Variants in TAF3 observed in about 807,000 individuals in gnomAD.
TAF3 encodes the protein transcription initiation factor TFIID subunit 3.
A neutral mutation model predicts 80.6 loss-of-function variants in TAF3; 7 were observed. The observed-to-expected ratio is 0.09, with a 90% CI of 0.05 to 0.16. The LOEUF is 0.16. Among genes scored for constraint, TAF3 ranks in the 10% least tolerant of loss-of-function variants. The pLI, the probability that TAF3 is intolerant of heterozygous loss-of-function variation, is 1.00. For missense variants in TAF3, 921 were observed against 1,140.2 expected (o/e 0.81, Z 2.77); for synonymous variants, 444 against 446.1 (o/e 1.00, Z 0.06).
At chr10:7,856,544 A>G (rs749991379) in intron 2 of TAF3, among the ~76,000 whole-genome samples, 11 of 152,182 alleles carry the variant, frequency 7.2e-5, no homozygotes, top group Non-Finnish European at 1.2e-4. Flanking sequence ...GAACCAGTCC[A>G]GGAAGCCTAA....
chr10:7,835,857 A>G (rs1013988226), intron 2 of TAF3, among the ~76,000 whole-genome samples: 1 of 152,086 alleles, frequency 6.6e-6, no homozygotes, highest in African/African-American at 2.4e-5. Flanking sequence ...GTATTTTGGC[A>G]CTGATGGGTG....
chr10:7,836,591 A>T (rs1309851449), intron 2 of TAF3, among the ~76,000 whole-genome samples: 1 of 152,010 alleles, frequency 6.6e-6, no homozygotes, highest in African/African-American at 2.4e-5. Context: ...ACATTTTCTT[A>T]CCACGAATAC....
intron 2 of TAF3, among the ~76,000 whole-genome samples, chr10:7,884,944 T>G (rs1350312028): frequency 6.6e-6 from 1 of 152,158 alleles, no homozygotes. Flanking sequence ...AGAAAACAGT[T>G]TCAGAATTGC....
chr10:7,900,050 CTG>C (rs746963815), intron 2 of TAF3, among the ~76,000 whole-genome samples: 3 of 152,164 alleles, frequency 2.0e-5, no homozygotes, highest in Admixed American at 2.0e-4. Context: ...CATTACATGT[CTG>C]TTAAAATATA....
At chr10:7,871,998 T>G (rs1303666085) in intron 2 of TAF3, among the ~76,000 whole-genome samples, 1 of 152,208 alleles carries the variant, frequency 6.6e-6, no homozygotes, top group Non-Finnish European at 1.5e-5. Context: ...ATAAATTTAA[T>G]CGGGACGCTT....
At position 8,009,178 on chromosome 10, in the gene TAF3, A is replaced by G. The variant is rs1430715591; in HGVS notation, c.2416A>G (p.Met806Val). The change falls in exon 5 of 7, where the codon ATG becomes GTG. Residue 806 changes from methionine (M) to valine (V), a missense_variant. Coordinates refer to ENST00000344293, the MANE Select transcript of TAF3 (RefSeq NM_031923.4). This position sits in a 1 kb window ranked among gnomAD's most constrained non-coding sequence, Gnocchi z 4.1. ...PPAPAPAPGP[M>V]LVSPAPVPLP... Reference sequence around the variant, plus strand: ...GGCCCCCGCGCCCGCCCCCGGCCCCATGCTCGTCAGCCCTGCGCCCGTGCC... The same window carrying G: ...GGCCCCCGCGCCCGCCCCCGGCCCCGTGCTCGTCAGCCCTGCGCCCGTGCC... 3.7e-5 allele frequency: 56 copies of G among 1,521,338 alleles called. No individual in the cohort carries two copies. Among genetic ancestry groups the G allele is most frequent in the Non-Finnish European group, 4.9e-5 (56 of 1,132,844 alleles). The allele number at this position is 1,521,338 out of a possible 1,614,324, so 94.2% of individuals were successfully genotyped here. A position where few individuals can be genotyped will look rare whatever the true frequency, so the allele number is the denominator to read the frequency against.
chr10:7,926,860 C>A (rs1208148012), intron 2 of TAF3, among the ~76,000 whole-genome samples: 1 of 152,126 alleles, frequency 6.6e-6, no homozygotes, highest in African/African-American at 2.4e-5. Context: ...TTTATCGTAA[C>A]AACTTTTTGT....
chr10:7,914,639 T>C (rs1837691155), intron 2 of TAF3, among the ~76,000 whole-genome samples: 1 of 152,210 alleles, frequency 6.6e-6, no homozygotes, highest in East Asian at 1.9e-4. Context: ...ATTTGGACTT[T>C]TACTGTAAAT....
intron 2 of TAF3, among the ~76,000 whole-genome samples, chr10:7,935,723 G>C (rs1275615818): frequency 1.3e-5 from 2 of 152,192 alleles, no homozygotes; most frequent in Non-Finnish European, 2.9e-5. Flanking sequence ...ATCAGGGAGA[G>C]GCCCTACAGG....
intron 3 of TAF3, among the ~76,000 whole-genome samples, chr10:7,974,031 G>A (rs1831646234): frequency 6.6e-6 from 1 of 152,078 alleles, no homozygotes; most frequent in Non-Finnish European, 1.5e-5. Flanking sequence ...GGGAGGCTGA[G>A]GCAGGAGAAT....
At chr10:7,833,975 C>A in intron 2 of TAF3, 1 of 263,748 alleles carries the variant, frequency 3.8e-6, no homozygotes. Context: ...TGCTGTCCTC[C>A]GGCACAGGAC....
chr10:7,823,554 T>C (rs1338229612), intron 1 of TAF3, among the ~76,000 whole-genome samples: 1 of 151,880 alleles, frequency 6.6e-6, no homozygotes, highest in East Asian at 1.9e-4. Flanking sequence ...GAAGATCGCT[T>C]GAGCCTAGAA....
At chr10:7,860,378 T>A (rs1261548418) in intron 2 of TAF3, among the ~76,000 whole-genome samples, 1 of 152,114 alleles carries the variant, frequency 6.6e-6, no homozygotes, top group African/African-American at 2.4e-5. Flanking sequence ...GAGCATATGA[T>A]CTATGAGAGA....
chr10:7,997,369 G>A (rs764309845), intron 4 of TAF3, among the ~76,000 whole-genome samples: 6 of 152,234 alleles, frequency 3.9e-5, no homozygotes, highest in Non-Finnish European at 5.9e-5. Context: ...GCACACAATA[G>A]CTGAATAATG....
At chr10:7,867,882 C>T (rs1023966010) in intron 2 of TAF3, among the ~76,000 whole-genome samples, 11 of 152,066 alleles carry the variant, frequency 7.2e-5, no homozygotes, top group Non-Finnish European at 1.2e-4. Flanking sequence ...ATAATGTAAA[C>T]GGTCGATTAA....
intron 3 of TAF3, among the ~76,000 whole-genome samples, chr10:7,966,164 A>G (rs963258505): frequency 1.3e-5 from 2 of 152,250 alleles, no homozygotes; most frequent in Non-Finnish European, 2.9e-5. Flanking sequence ...CACTATTTTA[A>G]GAGGACAGCA....
intron 2 of TAF3, among the ~76,000 whole-genome samples, chr10:7,840,116 A>G (rs1216587325): frequency 6.6e-6 from 1 of 151,988 alleles, no homozygotes; most frequent in Non-Finnish European, 1.5e-5. Context: ...ATGTTTCTAA[A>G]TTAACAAAGT....
chr10:7,846,528 A>G (rs1836974567), intron 2 of TAF3, among the ~76,000 whole-genome samples: 1 of 152,162 alleles, frequency 6.6e-6, no homozygotes, highest in Admixed American at 6.5e-5. Flanking sequence ...TTTGTTTTTG[A>G]ACAGTTTTAA....
intron 4 of TAF3, among the ~76,000 whole-genome samples, chr10:7,978,352 A>G (rs1372794810): frequency 2.6e-5 from 4 of 152,306 alleles, no homozygotes; most frequent in African/African-American, 9.6e-5. Context: ...TGTCAGTTCC[A>G]CGTGTAGTGC....
Sources: gnomAD v4.1 joint callset for allele counts (sites outside exome capture counted in the v4.1 genomes callset) on GRCh38, gnomAD v4.1.1 for gene constraint, Gnocchi (gnomAD v3.1) non-coding constraint, MANE v1.5 for transcripts, NCBI Gene and HGNC (gene_info 2026-07-23, HGNC 2026-07-21) for gene names.